The following ROCK1 variants were observed in gnomAD, a reference collection of about 807,000 sequenced individuals.
ROCK1 encodes rho-associated protein kinase 1.
In ROCK1, 36 loss-of-function variants were observed where a neutral mutation model predicts 196.8. That is an observed-to-expected ratio of 0.18 (90% CI 0.14 to 0.24). ROCK1 has a LOEUF of 0.24. ROCK1 is among the 10% of genes least tolerant of loss of function. ROCK1 has a pLI of 1.00. For synonymous variants in ROCK1, 443 were observed against 515.9 expected (o/e 0.86, Z 1.91); for missense variants, 920 against 1,562.0 (o/e 0.59, Z 6.93).
intron 1 of ROCK1, among the ~76,000 whole-genome samples, chr18:21,110,479 A>AC: frequency 6.6e-6 from 1 of 152,368 alleles, no homozygotes; most frequent in South Asian, 2.1e-4. Flanking sequence ...AACATTAATT[A>AC]CTACGATCGC....
intron 1 of ROCK1, among the ~76,000 whole-genome samples, chr18:21,104,854 C>G (rs1280085751): frequency 6.6e-6 from 1 of 152,178 alleles, no homozygotes; most frequent in Non-Finnish European, 1.5e-5. Context: ...AATAAACAGT[C>G]TCTAAAAGAT....
intron 2 of ROCK1, among the ~76,000 whole-genome samples, chr18:21,050,344 T>TA (rs202007611): frequency 0.047 from 6,412 of 136,386 alleles, 170 homozygotes; most frequent in Non-Finnish European, 0.064. Context: ...GCAAACACAC[T>TA]AAAAAAAAAA....
intron 6 of ROCK1, 35 bp downstream of exon 6, chr18:21,044,067 T>A (rs566959196): frequency 7.5e-7 from 1 of 1,340,104 alleles, no homozygotes; most frequent in Non-Finnish European, 1.1e-6. Context: ...CTACCTTGAA[T>A]TAGCAAAAAC....
chr18:20,967,148 T>C, intron 26 of ROCK1, 72 bp from the exon 27 acceptor site: 4 of 1,035,582 alleles, frequency 3.9e-6, no homozygotes, highest in Non-Finnish European at 5.8e-6. Flanking sequence ...TGAAATATGA[T>C]AATTTAAATT....
chr18:21,047,120 T>C (rs2036167328), intron 4 of ROCK1, among the ~76,000 whole-genome samples: 1 of 152,228 alleles, frequency 6.6e-6, no homozygotes, highest in African/African-American at 2.4e-5. Flanking sequence ...GGTGACAGTT[T>C]CACCCTATTT....
At chr18:21,012,424 GGTTT>G (rs2035826954) in intron 13 of ROCK1, among the ~76,000 whole-genome samples, 4 of 152,092 alleles carry the variant, frequency 2.6e-5, no homozygotes, top group Admixed American at 2.6e-4. Flanking sequence ...TAGGTTGATA[GGTTT>G]GTTTTTTTGT....
At chr18:21,088,360 G>A (rs540683221) in intron 1 of ROCK1, among the ~76,000 whole-genome samples, 18 of 152,094 alleles carry the variant, frequency 1.2e-4, no homozygotes, top group Non-Finnish European at 1.8e-4. Flanking sequence ...GCGGGGCATC[G>A]AGGCACACGC....
intron 2 of ROCK1, among the ~76,000 whole-genome samples, chr18:21,060,293 TAA>T (rs1414677919): frequency 2.0e-5 from 3 of 152,304 alleles, no homozygotes; most frequent in East Asian, 1.9e-4. Context: ...TGCAGAAATA[TAA>T]GTTAGATTTC....
At chr18:21,022,741 T>C (rs868560163) in intron 11 of ROCK1, among the ~76,000 whole-genome samples, 48 of 152,170 alleles carry the variant, frequency 3.2e-4, no homozygotes, top group African/African-American at 1.1e-3. Context: ...CTCTTGTTCA[T>C]ACATGGGTGC....
chr18:21,017,741 G>A (rs1043340509), intron 12 of ROCK1, among the ~76,000 whole-genome samples: 1 of 151,864 alleles, frequency 6.6e-6, no homozygotes, highest in Non-Finnish European at 1.5e-5. Context: ...GGGAGGCCGA[G>A]GTGGGCGGAT....
intron 18 of ROCK1, among the ~76,000 whole-genome samples, chr18:20,987,740 G>A (rs1167835092): frequency 6.6e-6 from 1 of 152,034 alleles, no homozygotes; most frequent in Non-Finnish European, 1.5e-5. Flanking sequence ...CCCACTCTTG[G>A]AGACCACCCT....
chr18:21,001,662 G>A (rs2143427996), intron 16 of ROCK1, among the ~76,000 whole-genome samples: 1 of 152,094 alleles, frequency 6.6e-6, no homozygotes, highest in South Asian at 2.1e-4. Flanking sequence ...CTACTTGGGA[G>A]GCTGAGGCAG....
intron 14 of ROCK1, among the ~76,000 whole-genome samples, chr18:21,007,333 A>C (rs2035776998): frequency 6.6e-6 from 1 of 152,166 alleles, no homozygotes; most frequent in African/African-American, 2.4e-5. Context: ...TCTGTCTTAG[A>C]GACTGTTTTA....
chr18:21,058,202 T>C (rs757025197), intron 2 of ROCK1, among the ~76,000 whole-genome samples: 1 of 152,218 alleles, frequency 6.6e-6, no homozygotes, highest in East Asian at 1.9e-4. Context: ...CTGAGTTTGG[T>C]GAGACTACAG....
intron 1 of ROCK1, among the ~76,000 whole-genome samples, chr18:21,080,011 T>C (rs902471832): frequency 6.6e-6 from 1 of 152,198 alleles, no homozygotes; most frequent in Non-Finnish European, 1.5e-5. Context: ...AGACGATCTG[T>C]TACCCATCTA....
intron 1 of ROCK1, among the ~76,000 whole-genome samples, chr18:21,097,032 G>A (rs528645532): frequency 6.6e-6 from 1 of 152,296 alleles, no homozygotes; most frequent in South Asian, 2.1e-4. Flanking sequence ...GAGAACTCAA[G>A]GGGAGAGAAA....
At chr18:21,061,921 A>G (rs2036295010) in intron 2 of ROCK1, among the ~76,000 whole-genome samples, 1 of 152,226 alleles carries the variant, frequency 6.6e-6, no homozygotes, top group Admixed American at 6.5e-5. Flanking sequence ...AGAGAAAAAA[A>G]GTTACAAACA....
At chr18:21,080,536 G>C (rs1479065614) in intron 1 of ROCK1, among the ~76,000 whole-genome samples, 2 of 152,054 alleles carry the variant, frequency 1.3e-5, no homozygotes, top group East Asian at 3.9e-4. Context: ...TCAAACTACA[G>C]AGACTGACAA....
chr18:21,090,081 A>G (rs2036557481), intron 1 of ROCK1, among the ~76,000 whole-genome samples: 1 of 152,210 alleles, frequency 6.6e-6, no homozygotes, highest in African/African-American at 2.4e-5. Flanking sequence ...TTATTGGTCT[A>G]TCTTCTACTT....
Sources: gnomAD v4.1 joint callset for allele counts (sites outside exome capture counted in the v4.1 genomes callset) on GRCh38, gnomAD v4.1.1 for gene constraint, MANE v1.5 for transcripts, NCBI Gene and HGNC (gene_info 2026-07-23, HGNC 2026-07-21) for gene names.